The following FBXO25 variants were observed in gnomAD, a reference collection of about 807,000 sequenced individuals.
FBXO25 encodes F-box protein 25, also known as F-box only protein 25.
FBXO25 carries 45 observed loss-of-function variants against 51.9 expected under a neutral mutation model. That is an observed-to-expected ratio of 0.87 (90% CI 0.68 to 1.11). The LOEUF (loss-of-function observed/expected upper bound fraction) is 1.11. FBXO25 is among the 50% of genes most tolerant of loss of function. FBXO25 has a pLI of 0.00. For synonymous variants in FBXO25, 199 were observed against 151.0 expected (o/e 1.32, Z -2.33); for missense variants, 507 against 428.5 (o/e 1.18, Z -1.62).
At chr8:436,971 A>T (rs1249176667) in intron 5 of FBXO25, among the ~76,000 whole-genome samples, 1 of 152,026 alleles carries the variant, frequency 6.6e-6, no homozygotes, top group East Asian at 1.9e-4. Flanking sequence ...CTGACTCTGG[A>T]GAAGGTGCGA....
intron 2 of FBXO25, among the ~76,000 whole-genome samples, chr8:415,401 C>G (rs145774910): frequency 1.6e-4 from 25 of 152,320 alleles, no homozygotes; most frequent in African/African-American, 6.0e-4. Flanking sequence ...GCTGCTCTTT[C>G]AAGCAACATT....
At chr8:411,673 A>T (rs1448730761) in intron 1 of FBXO25, among the ~76,000 whole-genome samples, 3 of 152,194 alleles carry the variant, frequency 2.0e-5, no homozygotes, top group African/African-American at 7.2e-5. Flanking sequence ...GGAGGAAAAC[A>T]GATGATAAAC....
At chr8:425,399 T>A (rs183293352) in intron 2 of FBXO25, among the ~76,000 whole-genome samples, 1 of 151,726 alleles carries the variant, frequency 6.6e-6, no homozygotes, top group Non-Finnish European at 1.5e-5. Context: ...CTTGTAACTT[T>A]CTTATTTTTT....
intron 5 of FBXO25, among the ~76,000 whole-genome samples, chr8:446,194 G>A (rs1382454405): frequency 6.6e-6 from 1 of 152,098 alleles, no homozygotes; most frequent in Non-Finnish European, 1.5e-5. Context: ...AAATAGTTTA[G>A]ACCTCGGGCT....
rs1456372396 is a variant in FBXO25, at chr8:451,285, C to T, written c.492C>T (p.His164=). ...TTATTCCAGTTCTTGATGACCACCA[C>T]AATCCTCGCTTAATCAAAGATCTTC... is the stretch of plus-strand genomic sequence containing the variant. ...KIVQKVLDDH[H]NPRLIKDLLQ... Residue 164 remains histidine, a synonymous_variant, in exon 7 of 10, where the codon CAC becomes CAT. Coordinates refer to ENST00000350302, the MANE Select transcript of FBXO25 (RefSeq NM_183420.2). 1 of 1,606,578 alleles carries T rather than the reference C, an allele frequency of 6.2e-7. No homozygotes were observed.
chr8:420,659 T>C (rs1331200956), intron 2 of FBXO25, among the ~76,000 whole-genome samples: 1 of 152,228 alleles, frequency 6.6e-6, no homozygotes, highest in Non-Finnish European at 1.5e-5. Context: ...TTCGTTTTGC[T>C]TAGTGAAAGA....
chr8:414,164 G>A (rs1796656334), intron 2 of FBXO25, among the ~76,000 whole-genome samples: 1 of 152,198 alleles, frequency 6.6e-6, no homozygotes, highest in South Asian at 2.1e-4. Flanking sequence ...TAGTTACAGT[G>A]AGGATAACAC....
chr8:476,631 C>T lies in FBXO25; in HGVS notation c.*7827C>T, dbSNP rs1397902147. 6.6e-6 allele frequency: 1 copy of T among 152,122 alleles called. No individual in the cohort carries two copies. The highest frequency in any genetic ancestry group is 1.5e-5 in the Non-Finnish European group (1 of 68,016). 9.4% of individuals were successfully genotyped at this position (152,122 alleles called of 1,614,324 possible). On this transcript the variant is annotated 3_prime_UTR_variant, in exon 10 of 10. Coordinates refer to ENST00000350302, the MANE Select transcript of FBXO25 (RefSeq NM_183420.2). The stretch of plus-strand genomic sequence containing the variant: ...TCCAGTTCATCTAGGTTATCCAATT[C>T]TTTGATATGTAATTGCTCATAGTAC...
intron 2 of FBXO25, among the ~76,000 whole-genome samples, chr8:430,785 T>G (rs1372044095): frequency 6.6e-6 from 1 of 152,236 alleles, no homozygotes; most frequent in Non-Finnish European, 1.5e-5. Context: ...AGAAAAGCTT[T>G]TAATTAAATG....
chr8:455,377 C>CA (rs1799358838), intron 7 of FBXO25, among the ~76,000 whole-genome samples: 1 of 152,136 alleles, frequency 6.6e-6, no homozygotes, highest in African/African-American at 2.4e-5. Context: ...GATACTTGAG[C>CA]AAAAGAGTAG....
At chr8:458,334 C>A in intron 7 of FBXO25, 35 bp from the exon 8 acceptor site, 2 of 1,600,002 alleles carry the variant, frequency 1.3e-6, no homozygotes, top group Non-Finnish European at 1.7e-6. Context: ...CATTGGCCAT[C>A]TTCTCAGTGA....
intron 8 of FBXO25, among the ~76,000 whole-genome samples, chr8:459,346 G>A (rs1170901794): frequency 1.3e-5 from 2 of 152,334 alleles, no homozygotes; most frequent in East Asian, 1.9e-4. Context: ...CAGGGCAGTC[G>A]ACAGGGCCTA....
In FBXO25 at chr8:412,534, A is replaced by C. The variant is rs148322035; in HGVS notation, c.-7-539A>C. The stretch of plus-strand genomic sequence containing the variant: ...TGTAAACCACAAATCTGATTGAATC[A>C]CTTACCTGCTTACTTCCCTTTTTTG... On this transcript the variant is annotated intron_variant, in intron 1 of 9. Coordinates refer to ENST00000350302, the MANE Select transcript of FBXO25 (RefSeq NM_183420.2). 2.5e-3 allele frequency among the ~76,000 whole-genome samples: 383 copies of C among 152,264 alleles called. 1 individual carries two copies. The highest frequency in any genetic ancestry group is 8.8e-3 in the African/African-American group (366 of 41,550).
chr8:476,665 C>G lies in FBXO25; in HGVS notation c.*7861C>G, dbSNP rs1449100894. The G allele has an allele frequency of 6.6e-6, 1 of 152,042 alleles. No individual in the cohort carries two copies. The highest frequency in any genetic ancestry group is 1.5e-5 in the Non-Finnish European group (1 of 67,994). 9.4% of individuals were successfully genotyped at this position (152,042 alleles called of 1,614,324 possible). A position where few individuals can be genotyped will look rare whatever the true frequency, so the allele number is the denominator to read the frequency against. On this transcript the variant is annotated 3_prime_UTR_variant, in exon 10 of 10. Transcript: ENST00000350302. ...GTAATTGCTCATAGTACTCTTAATC[C>G]TTTTTATTTCTGTAAAATCAGTTGT...
chr8:465,381 C>A (rs1446377811), intron 9 of FBXO25, among the ~76,000 whole-genome samples: 2 of 152,130 alleles, frequency 1.3e-5, no homozygotes, highest in Non-Finnish European at 2.9e-5. Context: ...TTGTTTTGTA[C>A]TATAGAACTA....
intron 1 of FBXO25, among the ~76,000 whole-genome samples, chr8:411,101 T>G (rs1796461055): frequency 1.3e-5 from 2 of 152,212 alleles, no homozygotes; most frequent in African/African-American, 4.8e-5. Flanking sequence ...ATGTAAATAT[T>G]CTACATTTTT....
Position 462,932 on chromosome 8 carries a change from G to A in FBXO25, c.844-75G>A, listed in dbSNP as rs901892084. ...AAGAAATTAAAAACTAAAATAAAATGAAAAAGTTTTACACCTAATATTATG... is the reference window on the plus strand; with the variant it reads ...AAGAAATTAAAAACTAAAATAAAATAAAAAAGTTTTACACCTAATATTATG... On this transcript the variant is annotated intron_variant, in intron 8 of 9. Coordinates refer to ENST00000350302, the MANE Select transcript of FBXO25 (RefSeq NM_183420.2). 2.3e-5 allele frequency: 35 copies of A among 1,503,144 alleles called. 1 individual carries two copies. Among genetic ancestry groups the A allele is most frequent in the Non-Finnish European group, 3.0e-5 (33 of 1,116,766 alleles). The allele number at this position is 1,503,144 out of a possible 1,614,324, so 93.1% of individuals were successfully genotyped here.
chr8:458,478 C>G lies in FBXO25; in HGVS notation c.770C>G (p.Pro257Arg). 1 of 1,614,156 alleles carries G rather than the reference C, an allele frequency of 6.2e-7. No individual in the cohort carries two copies. The highest frequency in any genetic ancestry group is 8.5e-7 in the Non-Finnish European group (1 of 1,180,024). Residue 257 changes from proline to arginine, a missense_variant, in exon 8 of 10, where the codon CCC becomes CGC. Physicochemically the swap from Pro to Arg is moderately radical, Grantham distance 103. Coordinates refer to ENST00000350302, the MANE Select transcript of FBXO25 (RefSeq NM_183420.2). The stretch of plus-strand genomic sequence containing the variant: ...ATCATCACCTTAGGCCAGGTGACCC[C>G]CACGTTGTATATGCTTAGTGAAGAC... The part of the protein sequence containing the change: ...WDIITLGQVT[P>R]TLYMLSEDRQ...
chr8:452,624 A>G (rs1431377342), intron 7 of FBXO25, among the ~76,000 whole-genome samples: 1 of 152,166 alleles, frequency 6.6e-6, no homozygotes, highest in African/African-American at 2.4e-5. Context: ...GTGGGTTTTC[A>G]TGGTCAGGAT....
Sources: gnomAD v4.1 joint callset for allele counts (sites outside exome capture counted in the v4.1 genomes callset) on GRCh38, gnomAD v4.1.1 for gene constraint, MANE v1.5 for transcripts, NCBI Gene and HGNC (gene_info 2026-07-23, HGNC 2026-07-21) for gene names.